Variants in MAP4K4 observed in about 807,000 individuals in gnomAD.
The protein encoded by MAP4K4 is mitogen-activated protein kinase kinase kinase kinase 4.
In MAP4K4, 38 loss-of-function variants were observed where a neutral mutation model predicts 189.6. That is an observed-to-expected ratio of 0.20 (90% CI 0.15 to 0.26). The LOEUF (loss-of-function observed/expected upper bound fraction) is 0.26. Among genes scored for constraint, MAP4K4 ranks in the 10% least tolerant of loss-of-function variants. The pLI, the probability that MAP4K4 is intolerant of heterozygous loss-of-function variation, is 1.00. For missense variants in MAP4K4, 1,054 were observed against 1,726.9 expected, an observed-to-expected ratio of 0.61 and a Z score of 6.91; for synonymous variants, 610 against 624.3, an observed-to-expected ratio of 0.98 and a Z score of 0.34.
rs182465148 is a variant in MAP4K4 at position 101,823,951 on chromosome 2, G to A, written c.204G>A (p.Leu68=). 3.0e-4 allele frequency: 485 copies of A among 1,604,224 alleles called. 1 individual carries two copies. In the African/African-American group the frequency reaches 4.7e-3, roughly 16 times the overall value. ...AGGATGAAGAGGAAGAAATCAAACT[G>A]GAGATAAATATGCTAAAGAAATACT... The change falls in exon 4 of 33, where the codon CTG becomes CTA. Residue 68 remains leucine (L), a synonymous_variant. Transcript: ENST00000324219.
chr2:101,821,658 A>G (rs1377534356), intron 3 of MAP4K4, among the ~76,000 whole-genome samples: 1 of 152,206 alleles, frequency 6.6e-6, no homozygotes, highest in African/African-American at 2.4e-5. Context: ...AAGGCCTAGG[A>G]CATTACTGTA....
At chr2:101,868,679 G>C (rs1261434001) in intron 21 of MAP4K4, among the ~76,000 whole-genome samples, 1 of 152,192 alleles carries the variant, frequency 6.6e-6, no homozygotes. Context: ...AGGGCGTTAG[G>C]GACGCCCACA....
intron 12 of MAP4K4, among the ~76,000 whole-genome samples, chr2:101,849,785 C>G (rs1300905172): frequency 6.6e-6 from 1 of 151,924 alleles, no homozygotes; most frequent in African/African-American, 2.4e-5. Context: ...ATCCCAGCCA[C>G]TTTGGGAGGT....
chr2:101,880,183 T>C (rs2150183462), intron 27 of MAP4K4, among the ~76,000 whole-genome samples: 1 of 152,224 alleles, frequency 6.6e-6, no homozygotes, highest in South Asian at 2.1e-4. Flanking sequence ...AGAAGAGAAG[T>C]TTTTATTTTA....
chr2:101,743,580 C>G (rs540585121), intron 2 of MAP4K4, among the ~76,000 whole-genome samples: 17 of 152,266 alleles, frequency 1.1e-4, no homozygotes, highest in Admixed American at 4.6e-4. Context: ...TCTGCCCTCC[C>G]CACTTCAGAC....
chr2:101,705,236 G>A (rs2041663358), intron 2 of MAP4K4, among the ~76,000 whole-genome samples: 1 of 152,136 alleles, frequency 6.6e-6, no homozygotes, highest in Admixed American at 6.6e-5. Flanking sequence ...ATGTGTGCTG[G>A]GCCCTGTTCT....
At chr2:101,704,616 A>G (rs1216416123) in intron 2 of MAP4K4, among the ~76,000 whole-genome samples, 2 of 116,126 alleles carry the variant, frequency 1.7e-5, no homozygotes, top group Non-Finnish European at 3.2e-5. Flanking sequence ...TCTGTCGCCC[A>G]GGCTGGAGTG....
intron 20 of MAP4K4, 56 bp downstream of exon 20, chr2:101,867,365 A>T: frequency 7.5e-7 from 1 of 1,341,864 alleles, no homozygotes; most frequent in Non-Finnish European, 1.0e-6. Flanking sequence ...AGATCTTTCT[A>T]TTAAAAATAT....
intron 3 of MAP4K4, among the ~76,000 whole-genome samples, chr2:101,817,669 A>G (rs544152430): frequency 2.0e-5 from 3 of 152,256 alleles, no homozygotes; most frequent in Non-Finnish European, 2.9e-5. Flanking sequence ...TAAAAGTTCT[A>G]TGTTGTGCTT....
At chr2:101,806,115 C>A (rs1361860252) in intron 3 of MAP4K4, among the ~76,000 whole-genome samples, 1 of 152,144 alleles carries the variant, frequency 6.6e-6, no homozygotes, top group African/African-American at 2.4e-5. Flanking sequence ...AGAAAGAAAT[C>A]TCTTAAGTTC....
chr2:101,827,335 A>G (rs2096406568), intron 5 of MAP4K4, among the ~76,000 whole-genome samples: 1 of 152,320 alleles, frequency 6.6e-6, no homozygotes, highest in South Asian at 2.1e-4. Flanking sequence ...AACTAAAAAC[A>G]AGCAAATGCC....
chr2:101,879,259 G>A (rs1320350316), intron 27 of MAP4K4, among the ~76,000 whole-genome samples: 1 of 142,916 alleles, frequency 7.0e-6, no homozygotes, highest in Non-Finnish European at 1.5e-5. Context: ...ATCATTTTTT[G>A]GTCTACTTTT....
chr2:101,886,415 A>G (rs530289102), intron 29 of MAP4K4, among the ~76,000 whole-genome samples: 17 of 152,266 alleles, frequency 1.1e-4, no homozygotes, highest in African/African-American at 3.1e-4. Flanking sequence ...TAGTGATACA[A>G]TTTTCAGTGT....
intron 26 of MAP4K4, among the ~76,000 whole-genome samples, 196 bp from the exon 27 acceptor site, chr2:101,876,807 T>A (rs2098219024): frequency 6.6e-6 from 1 of 152,256 alleles, no homozygotes; most frequent in Admixed American, 6.5e-5. Flanking sequence ...TATGTCAGCA[T>A]CATTGCTACA....
chr2:101,806,274 T>C (rs889395045), intron 3 of MAP4K4, among the ~76,000 whole-genome samples: 2 of 152,138 alleles, frequency 1.3e-5, no homozygotes, highest in Non-Finnish European at 2.9e-5. Flanking sequence ...TGATGAGTCA[T>C]CTTCCCCCCA....
chr2:101,698,602 G>A (rs1339881353), intron 2 of MAP4K4, 64 bp downstream of exon 2: 3 of 1,499,916 alleles, frequency 2.0e-6, no homozygotes, highest in Non-Finnish European at 2.8e-6. Flanking sequence ...GGGACGAGGA[G>A]AGGGTGATAA....
At chr2:101,879,299 A>T (rs1186573447) in intron 27 of MAP4K4, among the ~76,000 whole-genome samples, 2 of 146,764 alleles carry the variant, frequency 1.4e-5, no homozygotes, top group Non-Finnish European at 1.5e-5. Flanking sequence ...TTCCTTATTA[A>T]CTTTCAGTGG....
intron 13 of MAP4K4, among the ~76,000 whole-genome samples, chr2:101,858,236 A>G (rs1029884225): frequency 6.6e-6 from 1 of 152,190 alleles, no homozygotes; most frequent in African/African-American, 2.4e-5. Context: ...GTCCTTTATA[A>G]TACGCATGCA....
At chr2:101,820,470 C>G (rs763343357) in intron 3 of MAP4K4, among the ~76,000 whole-genome samples, 5 of 152,144 alleles carry the variant, frequency 3.3e-5, no homozygotes, top group Non-Finnish European at 7.4e-5. Context: ...TTTTTATACC[C>G]CAAATCCTTA....
Sources: allele counts gnomAD v4.1 joint callset (sites outside exome capture counted in the v4.1 genomes callset), GRCh38; gene constraint gnomAD v4.1.1; transcripts MANE v1.5; gene names NCBI Gene and HGNC (gene_info 2026-07-23, HGNC 2026-07-21).